NLGN1: variants seen among roughly 807,000 people sequenced by gnomAD.
The protein encoded by NLGN1 is neuroligin 1, also known as neuroligin-1.
A neutral mutation model predicts 65.5 loss-of-function variants in NLGN1; 12 were observed. The observed-to-expected ratio is 0.18, with a 90% CI of 0.12 to 0.30. NLGN1 has a LOEUF of 0.30. Ranked by LOEUF, NLGN1 falls within the 10% of genes least tolerant of loss-of-function variation. The probability of loss-of-function intolerance (pLI) is 1.00; values close to 1 mark genes in which losing one functional copy is unlikely to be tolerated. For synonymous variants in NLGN1, 350 were observed against 359.5 expected, an observed-to-expected ratio of 0.97 and a Z score of 0.30; for missense variants, 750 against 1,007.1, an observed-to-expected ratio of 0.74 and a Z score of 3.46.
At chr3:174,239,622 A>G (rs1195765895) in intron 4 of NLGN1, among the ~76,000 whole-genome samples, 1 of 152,138 alleles carries the variant, frequency 6.6e-6, no homozygotes, top group Non-Finnish European at 1.5e-5. Flanking sequence ...TAAATCCTGG[A>G]TAAAACAATA....
In NLGN1 at chr3:173,709,785, G is replaced by T. The variant is rs180975909; in HGVS notation, c.494-97895G>T. Among the ~76,000 whole-genome samples the T allele has an allele frequency of 2.4e-5, 3 of 123,148 alleles. No individual in the cohort carries two copies. The East Asian group carries it at 7.0e-4, about 29-fold the overall frequency. The allele number at this position is 123,148 out of a possible 152,430, so 80.8% of individuals were successfully genotyped here. On this transcript the variant is annotated intron_variant, in intron 3 of 6. Transcript: ENST00000457714. ...ACCATTGAATTACAGCCTGGGCAAC[G>T]AGAGCGAAACTCTATCTCAAAAAAA...
intron 3 of NLGN1, among the ~76,000 whole-genome samples, chr3:173,721,184 G>T (rs1192846286): frequency 2.0e-5 from 3 of 152,194 alleles, no homozygotes; most frequent in African/African-American, 7.2e-5. Flanking sequence ...TTACTTAGGA[G>T]AAAGAAAAAT....
chr3:173,966,167 G>A (rs1714827524), intron 4 of NLGN1, among the ~76,000 whole-genome samples: 1 of 152,128 alleles, frequency 6.6e-6, no homozygotes, highest in Admixed American at 6.6e-5. Context: ...TAGAGCCAAT[G>A]ACCAGTTGCC....
At chr3:173,966,544 T>G (rs150329794) in intron 4 of NLGN1, among the ~76,000 whole-genome samples, 112 of 152,258 alleles carry the variant, frequency 7.4e-4, no homozygotes, top group Middle Eastern at 3.4e-3. Context: ...GATATCGGTT[T>G]AAGAATATTC....
exon 7 of NLGN1, chr3:174,284,058 C>T (rs2152898405): frequency 6.6e-6 from 1 of 151,356 alleles, no homozygotes; most frequent in Non-Finnish European, 1.5e-5. Flanking sequence ...TATCAATCTG[C>T]CTATATATAG....
chr3:173,495,320 T>G (rs77923101), intron 2 of NLGN1, among the ~76,000 whole-genome samples: 9,317 of 151,800 alleles, frequency 0.061, 362 homozygotes, highest in South Asian at 0.13. Flanking sequence ...TATACAATTT[T>G]TATACATTAA....
At chr3:173,966,091 C>T (rs904674516) in intron 4 of NLGN1, among the ~76,000 whole-genome samples, 1 of 152,098 alleles carries the variant, frequency 6.6e-6, no homozygotes, top group Non-Finnish European at 1.5e-5. Flanking sequence ...TTGGTTAGCA[C>T]CAACTGATAT....
chr3:173,703,543 G>A (rs1176656271), intron 3 of NLGN1, among the ~76,000 whole-genome samples: 4 of 152,178 alleles, frequency 2.6e-5, no homozygotes, highest in African/African-American at 9.6e-5. Context: ...GATTACATAA[G>A]TATCAGTAAA....
intron 2 of NLGN1, among the ~76,000 whole-genome samples, chr3:173,509,337 A>AT (rs1162770785): frequency 6.6e-6 from 1 of 152,122 alleles, no homozygotes; most frequent in African/African-American, 2.4e-5. Flanking sequence ...TTTTTTCCAT[A>AT]TATAGTTCCC....
chr3:173,628,561 A>G (rs1387759449), intron 3 of NLGN1, among the ~76,000 whole-genome samples: 1 of 152,160 alleles, frequency 6.6e-6, no homozygotes, highest in Non-Finnish European at 1.5e-5. Flanking sequence ...TGTCTAATAA[A>G]ACTGGGAGTA....
At chr3:173,481,558 T>G (rs1201896123) in intron 2 of NLGN1, among the ~76,000 whole-genome samples, 5 of 151,970 alleles carry the variant, frequency 3.3e-5, no homozygotes, top group African/African-American at 1.2e-4. Context: ...TTCATTTGTT[T>G]TGGATGTAAT....
rs538580680 is a variant in NLGN1, at chr3:173,600,681, T to C, written c.-320-3598T>C. 2.0e-4 allele frequency among the ~76,000 whole-genome samples: 30 copies of C among 147,250 alleles called. No homozygotes were observed. In the South Asian group the frequency reaches 6.0e-3, roughly 29 times the overall value. On this transcript the variant is annotated intron_variant, in intron 2 of 6. Coordinates refer to ENST00000457714, the Ensembl canonical transcript of NLGN1. ...GCCCTGCTCCCACATTCATCATGTATTTATTGAACACATGTCACATTTCAT... is the reference window on the plus strand; with the variant it reads ...GCCCTGCTCCCACATTCATCATGTACTTATTGAACACATGTCACATTTCAT...
At chr3:173,410,323 G>A (rs1235623187) in intron 1 of NLGN1, among the ~76,000 whole-genome samples, 1 of 152,086 alleles carries the variant, frequency 6.6e-6, no homozygotes, top group Non-Finnish European at 1.5e-5. Flanking sequence ...ACATAAACAC[G>A]GACACACTGT....
intron 2 of NLGN1, among the ~76,000 whole-genome samples, chr3:173,569,873 C>G (rs1206535858): frequency 2.4e-5 from 1 of 41,680 alleles, no homozygotes; most frequent in Non-Finnish European, 5.3e-5. Flanking sequence ...CACATTCATG[C>G]TTTCTCTAAG....
intron 4 of NLGN1, among the ~76,000 whole-genome samples, chr3:173,885,173 A>G (rs550083047): frequency 5.9e-5 from 9 of 152,304 alleles, no homozygotes; most frequent in Admixed American, 2.6e-4. Context: ...TCTTTAATCT[A>G]GCAAATATTG....
chr3:174,092,784 A>G (rs1389464203), intron 4 of NLGN1, among the ~76,000 whole-genome samples: 1 of 152,182 alleles, frequency 6.6e-6, no homozygotes, highest in Non-Finnish European at 1.5e-5. Context: ...CCTAAAGAGA[A>G]TATGAACATT....
At chr3:174,062,763 C>T (rs1018172532) in intron 4 of NLGN1, among the ~76,000 whole-genome samples, 2 of 151,866 alleles carry the variant, frequency 1.3e-5, no homozygotes, top group African/African-American at 4.8e-5. Flanking sequence ...TTTATTAATA[C>T]ATTTTTCTTT....
At chr3:173,501,427 G>A (rs1395115409) in intron 2 of NLGN1, among the ~76,000 whole-genome samples, 2 of 152,042 alleles carry the variant, frequency 1.3e-5, no homozygotes, top group Non-Finnish European at 2.9e-5. Context: ...TAATTACTTT[G>A]TAAGAACCTA....
rs1310865578 is a variant in NLGN1, at chr3:174,037,143, T to G, written c.646+229311T>G. Among the ~76,000 whole-genome samples the G allele has an allele frequency of 3.3e-5, 5 of 152,284 alleles. No individual in the cohort carries two copies. In the South Asian group the frequency reaches 1.0e-3, roughly 32 times the overall value. On this transcript the variant is annotated intron_variant, in intron 4 of 6. Transcript: ENST00000457714. Reference sequence around the variant, plus strand: ...GTAATGGGATTATTGATTTGAGAGATATTTCTGTTTTTAGGTCTTTGAGGA... The same window carrying G: ...GTAATGGGATTATTGATTTGAGAGAGATTTCTGTTTTTAGGTCTTTGAGGA...
Sources: gnomAD v4.1 joint callset for allele counts (sites outside exome capture counted in the v4.1 genomes callset) on GRCh38, gnomAD v4.1.1 for gene constraint, MANE v1.5 for transcripts, NCBI Gene and HGNC (gene_info 2026-07-23, HGNC 2026-07-21) for gene names.